FCAMR: variants seen among roughly 807,000 people sequenced by gnomAD.
FCAMR encodes Fc alpha and mu receptor.
Under a neutral mutation model 52.2 loss-of-function variants are expected in FCAMR, and 51 were observed. The ratio of observed to expected loss-of-function variants is 0.98; its 90% confidence interval spans 0.78 to 1.23. The LOEUF (loss-of-function observed/expected upper bound fraction) is 1.23. FCAMR is among the 50% of genes most tolerant of loss of function. The probability of loss-of-function intolerance (pLI) is 0.00; values close to 1 mark genes in which losing one functional copy is unlikely to be tolerated. For synonymous variants in FCAMR, 282 were observed against 262.0 expected (o/e 1.08, Z -0.74); for missense variants, 719 against 712.6 (o/e 1.01, Z -0.10).
At position 206,960,463 on chromosome 1, in the gene FCAMR, T is replaced by C; in HGVS notation, c.1413A>G (p.Val471=). The C allele has an allele frequency of 1.3e-6, 2 of 1,533,194 alleles. No homozygotes were observed. Among genetic ancestry groups the C allele is most frequent in the Non-Finnish European group, 1.8e-6 (2 of 1,138,028 alleles). The allele number at this position is 1,533,194 out of a possible 1,614,324, so 95.0% of individuals were successfully genotyped here. Residue 471 remains valine (V), a synonymous_variant, in exon 6 of 8, where the codon GTA becomes GTG. Coordinates refer to ENST00000324852, the MANE Select transcript of FCAMR (RefSeq NM_001170631.2). ...CCTTGCCAGGGGGTCCCCAGGGTCC[T>C]ACTGCCGGGGTCTGGCTCAGTGTTG... ...PQATLSQTPA[V]GPWGPPGKES...
intron 1 of FCAMR, among the ~76,000 whole-genome samples, chr1:206,968,486 A>G (rs563495249): frequency 7.9e-5 from 12 of 152,356 alleles, no homozygotes; most frequent in African/African-American, 2.6e-4. Flanking sequence ...TTTTTGAAAA[A>G]GCAAACTAAA....
In FCAMR at chr1:206,970,197, G is replaced by T; in HGVS notation, c.-72C>A. On this transcript the variant is annotated 5_prime_UTR_variant, in exon 1 of 8. Coordinates refer to ENST00000324852, the MANE Select transcript of FCAMR (RefSeq NM_001170631.2). The stretch of plus-strand genomic sequence containing the variant: ...GATGCAGGTGTTTGGACGACTTCTA[G>T]TTGCTCTCCTTTAAACCTGGAGACT... 1 of 1,560,950 alleles carries T rather than the reference G, an allele frequency of 6.4e-7. No homozygotes were observed. The highest frequency in any genetic ancestry group is 1.4e-5 in the African/African-American group (1 of 73,522).
rs878968575 is a variant in FCAMR, at chr1:206,965,879, G to A, written c.170-21C>T. 3.7e-6 allele frequency: 6 copies of A among 1,608,524 alleles called. No homozygotes were observed. The Admixed American group carries it at 1.0e-4, about 27-fold the overall frequency. On this transcript the variant is annotated intron_variant, in intron 3 of 7. Transcript: ENST00000324852. ...AGAACCTGCAGCAAAGGAAGGAGATGGGTCATCAGGGGGCCATCCATGTGT... is the reference window on the plus strand; with the variant it reads ...AGAACCTGCAGCAAAGGAAGGAGATAGGTCATCAGGGGGCCATCCATGTGT...
Position 206,961,094 on chromosome 1 carries a change from G to A in FCAMR, c.782C>T (p.Ala261Val), listed in dbSNP as rs1453504402. 29 of 1,551,856 alleles carry A rather than the reference G, an allele frequency of 1.9e-5. 1 individual carries two copies. In the East Asian group the frequency reaches 7.1e-4, roughly 38 times the overall value. ...GTTQTLGQGT[A>V]WDTVASTPGT... The stretch of plus-strand genomic sequence containing the variant: ...TGGAGTGGAAGCAACTGTGTCCCAT[G>A]CTGTCCCCTGTCCTAAGGTCTGGGT... Residue 261 changes from alanine (A) to valine (V), a missense_variant, in exon 6 of 8, where the codon GCA becomes GTA. By Grantham distance (64) the Ala-to-Val change is moderately conservative (BLOSUM62 0). Transcript: ENST00000324852.
At chr1:206,965,055 A>G (rs779845847) in intron 4 of FCAMR, among the ~76,000 whole-genome samples, 30 of 152,200 alleles carry the variant, frequency 2.0e-4, no homozygotes, top group Non-Finnish European at 4.1e-4. Context: ...TTCATTAAAC[A>G]ACACACCCCA....
chr1:206,961,219 G>A lies in FCAMR; in HGVS notation c.657C>T (p.Pro219=), dbSNP rs552971213. The part of the protein sequence containing the change: ...LSMNLTISAG[P]ASTLPTATPA... ...GAGTGGCTGTGGGGAGGGTGCTGGC[G>A]GGACCTGTGTGGACAGCAGAGGGAG... is the stretch of plus-strand genomic sequence containing the variant. The change falls in exon 6 of 8, where the codon CCC becomes CCT. Residue 219 remains proline, a synonymous_variant. Transcript: ENST00000324852. 2.8e-5 allele frequency: 44 copies of A among 1,544,880 alleles called. No individual in the cohort carries two copies. Among genetic ancestry groups the A allele is most frequent in the African/African-American group, 8.2e-5 (6 of 72,970 alleles).
At chr1:206,964,640 C>A (rs2153438) in intron 4 of FCAMR, among the ~76,000 whole-genome samples, 57,257 of 151,322 alleles carry the variant, frequency 0.38, 13,361 homozygotes, top group African/African-American at 0.66. Flanking sequence ...AGCAAACGCT[C>A]CCTAAAGCCT....
In FCAMR at chr1:206,970,460, T is replaced by A. The variant is rs774401059; in HGVS notation, c.-335A>T. On this transcript the variant is annotated 5_prime_UTR_variant, in exon 1 of 8. Coordinates refer to ENST00000324852, the MANE Select transcript of FCAMR (RefSeq NM_001170631.2). ...CTGATCCATATCCTTCCTCCTCTTG[T>A]GTCCCCTTCAGGGGTCTCAGACTAT... 7.2e-5 allele frequency: 16 copies of A among 223,398 alleles called. No individual in the cohort carries two copies. The highest frequency in any genetic ancestry group is 3.9e-4 in the Admixed American group (7 of 18,156). The allele number at this position is 223,398 out of a possible 1,614,324, so 13.8% of individuals were successfully genotyped here.
In FCAMR at chr1:206,959,715, C is replaced by T. The variant is rs781646743; in HGVS notation, c.1537G>A (p.Val513Ile). ...CTCCAGAGCTTCCTTTGCAATAGAA[C>T]CAGAGCCATAAGCATAAACAGGGCC... ...MLALFMLMAL[V>I]LLQRKLWRRR... Residue 513 changes from valine (V) to isoleucine (I), a missense_variant, in exon 7 of 8, where the codon GTT (valine) becomes ATT (isoleucine). Physicochemically the swap from Val to Ile is conservative, Grantham distance 29 (BLOSUM62 3). Transcript: ENST00000324852. The T allele has an allele frequency of 9.3e-6, 15 of 1,614,074 alleles. No homozygotes were observed. In the African/African-American group the frequency reaches 1.6e-4, roughly 17 times the overall value.
chr1:206,961,468 C>T (rs943873073), intron 5 of FCAMR, among the ~76,000 whole-genome samples: 1 of 152,212 alleles, frequency 6.6e-6, no homozygotes, highest in African/African-American at 2.4e-5. Flanking sequence ...TCTCCCATGC[C>T]CACATATTTT....
intron 2 of FCAMR, 57 bp downstream of exon 2, chr1:206,967,526 C>A: frequency 6.4e-7 from 1 of 1,562,254 alleles, no homozygotes; most frequent in South Asian, 1.1e-5. Context: ...CTCAGGGATT[C>A]GATTCCTTTT....
intron 1 of FCAMR, chr1:206,969,249 C>G (rs114235642): frequency 2.2e-6 from 1 of 455,306 alleles, no homozygotes; most frequent in African/African-American, 2.0e-5. Flanking sequence ...CTGAAGTCAC[C>G]GGTGCAGCAA....
In FCAMR at chr1:206,960,410, G is replaced by A. The variant is rs1222992591; in HGVS notation, c.1454+12C>T. 6.8e-7 allele frequency: 1 copy of A among 1,475,386 alleles called. No individual in the cohort carries two copies. The highest frequency in any genetic ancestry group is 9.0e-7 in the Non-Finnish European group (1 of 1,113,616). The allele number at this position is 1,475,386 out of a possible 1,614,324, so 91.4% of individuals were successfully genotyped here. On this transcript the variant is annotated intron_variant, in intron 6 of 7. Coordinates refer to ENST00000324852, the MANE Select transcript of FCAMR (RefSeq NM_001170631.2). ...TGGGGCCCCCCAACCGGGAGAAGGTGCCTGGGGTTACCGCTTCACGGAGGA... is the reference window on the plus strand; with the variant it reads ...TGGGGCCCCCCAACCGGGAGAAGGTACCTGGGGTTACCGCTTCACGGAGGA...
intron 7 of FCAMR, 132 bp from the exon 8 acceptor site, chr1:206,958,808 G>T: frequency 8.3e-7 from 1 of 1,210,192 alleles, no homozygotes; most frequent in Non-Finnish European, 1.2e-6. Context: ...GCCCTAGTTG[G>T]CTAGGCTAAG....
chr1:206,964,812 C>A (rs1483503267), intron 4 of FCAMR, among the ~76,000 whole-genome samples: 1 of 152,156 alleles, frequency 6.6e-6, no homozygotes, highest in African/African-American at 2.4e-5. Flanking sequence ...AACAGTTAAG[C>A]AGTTTGTGGG....
At position 206,960,718 on chromosome 1, in the gene FCAMR, C is replaced by A; in HGVS notation, c.1158G>T (p.Leu386Phe). 1 of 1,552,288 alleles carries A rather than the reference C, an allele frequency of 6.4e-7. No individual in the cohort carries two copies. The highest frequency in any genetic ancestry group is 8.7e-7 in the Non-Finnish European group (1 of 1,147,104). Residue 386 changes from leucine to phenylalanine, a missense_variant, in exon 6 of 8, where the codon TTG becomes TTT. Physicochemically the swap from Leu to Phe is conservative, Grantham distance 22. Transcript: ENST00000324852. ...IGPPALVSET[L>F]AWEILPQATP... Reference sequence around the variant, plus strand: ...TTGCTTGTGGGAGGATTTCCCAGGCCAAAGTTTCTGAGACCAGAGCTGGTG... The same window carrying A: ...TTGCTTGTGGGAGGATTTCCCAGGCAAAAGTTTCTGAGACCAGAGCTGGTG...
chr1:206,966,692 T>C (rs1680723968), intron 3 of FCAMR, among the ~76,000 whole-genome samples: 4 of 152,246 alleles, frequency 2.6e-5, no homozygotes, highest in African/African-American at 9.6e-5. Context: ...CCTTATTGGC[T>C]ACCTTTGATT....
In FCAMR at chr1:206,959,684, C is replaced by T. The variant is rs1244532699; in HGVS notation, c.1568G>A (p.Arg523Lys). ...VLLQRKLWRR[R>K]TSQEAERVTL... ...CTTGGGGCTACTCAACTCACAGGTC[C>T]TCCTTCTCCAGAGCTTCCTTTGCAA... Residue 523 changes from arginine to lysine, a missense_variant, in exon 7 of 8, where the codon AGG (arginine) becomes AAG (lysine). Arg to Lys is a conservative substitution (Grantham distance 26). Transcript: ENST00000324852. 1.9e-6 allele frequency: 3 copies of T among 1,613,498 alleles called. No individual in the cohort carries two copies. Among genetic ancestry groups the T allele is most frequent in the Non-Finnish European group, 2.5e-6 (3 of 1,179,640 alleles).
Position 206,962,367 on chromosome 1 carries a change from A to G in FCAMR, c.498T>C (p.Tyr166=), listed in dbSNP as rs753533479. The G allele has an allele frequency of 1.2e-6, 2 of 1,614,212 alleles. No individual in the cohort carries two copies. The highest frequency in any genetic ancestry group is 1.7e-6 in the Non-Finnish European group (2 of 1,180,036). The change falls in exon 5 of 8, where the codon TAT becomes TAC. Residue 166 remains tyrosine (Y), a synonymous_variant. Transcript: ENST00000324852. Reference sequence around the variant, plus strand: ...AGTCTGTGAGGGCCACACGGTCACGATAGCGATGGTGAGTATACTGGTTGG... The same window carrying G: ...AGTCTGTGAGGGCCACACGGTCACGGTAGCGATGGTGAGTATACTGGTTGG... ...VSTNQYTHHR[Y]RDRVALTDFP... is the part of the protein sequence containing the mutation.
Sources: gnomAD v4.1 joint callset for allele counts (sites outside exome capture counted in the v4.1 genomes callset) on GRCh38, gnomAD v4.1.1 for gene constraint, MANE v1.5 for transcripts, NCBI Gene and HGNC (gene_info 2026-07-23, HGNC 2026-07-21) for gene names.